Variants in PDZRN4 observed in about 807,000 individuals in gnomAD.
PDZRN4 encodes PDZ domain-containing RING finger protein 4.
In PDZRN4, 70 loss-of-function variants were observed where a neutral mutation model predicts 99.0. The ratio of observed to expected loss-of-function variants is 0.71; its 90% confidence interval spans 0.58 to 0.86. PDZRN4 has a LOEUF of 0.86. Ranked by LOEUF, PDZRN4 falls within the 40% of genes least tolerant of loss-of-function variation. The pLI, the probability that PDZRN4 is intolerant of heterozygous loss-of-function variation, is 0.00. For synonymous variants in PDZRN4, 551 were observed against 501.6 expected (o/e 1.10, Z -1.32); for missense variants, 1,474 against 1,331.2 (o/e 1.11, Z -1.67).
chr12:41,308,243 G>A (rs7965625), intron 3 of PDZRN4, among the ~76,000 whole-genome samples: 63,423 of 151,826 alleles, frequency 0.42, 14,186 homozygotes, highest in African/African-American at 0.58. Context: ...TTGAGAAATG[G>A]AAAAGGTAAA....
intron 3 of PDZRN4, among the ~76,000 whole-genome samples, chr12:41,247,850 A>C (rs1951143030): frequency 6.6e-6 from 1 of 152,212 alleles, no homozygotes; most frequent in African/African-American, 2.4e-5. Context: ...ATCTATGCTC[A>C]AACTAAGATT....
intron 3 of PDZRN4, among the ~76,000 whole-genome samples, chr12:41,482,015 A>G (rs949211252): frequency 6.6e-6 from 1 of 152,146 alleles, no homozygotes; most frequent in Admixed American, 6.6e-5. Flanking sequence ...TACCCCACGA[A>G]AAATGGATTA....
intron 5 of PDZRN4, among the ~76,000 whole-genome samples, chr12:41,517,670 G>C (rs1479267830): frequency 6.6e-6 from 1 of 152,122 alleles, no homozygotes; most frequent in Non-Finnish European, 1.5e-5. Flanking sequence ...TGGCTGTGGA[G>C]TGATTGGTCT....
At chr12:41,358,674 A>G (rs1298095655) in intron 3 of PDZRN4, among the ~76,000 whole-genome samples, 2 of 151,974 alleles carry the variant, frequency 1.3e-5, no homozygotes, top group East Asian at 1.9e-4. Context: ...CATATGTGAA[A>G]CTTGAATATA....
At chr12:41,223,762 T>C (rs1390096453) in intron 3 of PDZRN4, among the ~76,000 whole-genome samples, 1 of 152,122 alleles carries the variant, frequency 6.6e-6, no homozygotes, top group South Asian at 2.1e-4. Context: ...CCATTTTCTC[T>C]GTGGAATGGC....
intron 3 of PDZRN4, among the ~76,000 whole-genome samples, chr12:41,238,500 C>G (rs766345561): frequency 6.6e-5 from 10 of 152,050 alleles, no homozygotes; most frequent in Non-Finnish European, 1.2e-4. Flanking sequence ...TATCCAGAGT[C>G]TACAAGGAAC....
intron 3 of PDZRN4, among the ~76,000 whole-genome samples, chr12:41,341,686 G>A (rs4768346): frequency 0.39 from 58,468 of 151,492 alleles, 11,367 homozygotes; most frequent in South Asian, 0.42. Flanking sequence ...AACATTGATA[G>A]AAGAAATTGA....
chr12:41,358,870 A>C (rs1385745589), intron 3 of PDZRN4, among the ~76,000 whole-genome samples: 1 of 152,006 alleles, frequency 6.6e-6, no homozygotes, highest in African/African-American at 2.4e-5. Flanking sequence ...AGCAAAAGCC[A>C]CTCAGTAGAG....
At chr12:41,244,829 C>A (rs970934102) in intron 3 of PDZRN4, among the ~76,000 whole-genome samples, 2 of 146,314 alleles carry the variant, frequency 1.4e-5, no homozygotes, top group Non-Finnish European at 1.5e-5. Flanking sequence ...GGACTACAGG[C>A]GCCCGCCACC....
chr12:41,464,939 C>G, intron 3 of PDZRN4, among the ~76,000 whole-genome samples: 1 of 151,688 alleles, frequency 6.6e-6, no homozygotes, highest in East Asian at 1.9e-4. Flanking sequence ...ATTCTCCTGC[C>G]TCAGCCTTCC....
chr12:41,357,128 C>A (rs1201854038), intron 3 of PDZRN4, among the ~76,000 whole-genome samples: 1 of 151,636 alleles, frequency 6.6e-6, no homozygotes, highest in Non-Finnish European at 1.5e-5. Flanking sequence ...TTTACATTAA[C>A]TTCCCCTCTC....
intron 1 of PDZRN4, 94 bp downstream of exon 1, chr12:41,189,197 G>A: frequency 1.7e-6 from 2 of 1,208,604 alleles, no homozygotes; most frequent in South Asian, 1.3e-5. Flanking sequence ...TTGGAATTGG[G>A]CATCCTTCCT....
rs144855676 is a variant in PDZRN4 at position 41,261,521 on chromosome 12, G to A, written c.843+67333G>A. ...TTCTTATTTTTTGAGATGGAGTCTC[G>A]CTCTATCGCCCAGGCTGGAGTGCCG... On this transcript the variant is annotated intron_variant, in intron 3 of 9. Transcript: ENST00000402685. Among the ~76,000 whole-genome samples, 857 of 152,232 alleles carry A rather than the reference G, an allele frequency of 5.6e-3. 7 individuals are homozygous for A. The highest frequency in any genetic ancestry group is 8.6e-3 in the Non-Finnish European group (586 of 68,016).
chr12:41,199,656 TAC>T (rs1469480783), intron 3 of PDZRN4, among the ~76,000 whole-genome samples: 4 of 152,154 alleles, frequency 2.6e-5, no homozygotes, highest in African/African-American at 9.7e-5. Context: ...TGTGCCTATA[TAC>T]ACCATAGAAT....
At chr12:41,295,981 A>T (rs1171899096) in intron 3 of PDZRN4, among the ~76,000 whole-genome samples, 2 of 152,146 alleles carry the variant, frequency 1.3e-5, no homozygotes, top group Admixed American at 1.3e-4. Flanking sequence ...CAAAAATTAA[A>T]TTTTTTGAGG....
chr12:41,551,539 G>T (rs1939056899), intron 5 of PDZRN4, among the ~76,000 whole-genome samples: 1 of 152,056 alleles, frequency 6.6e-6, no homozygotes, highest in Non-Finnish European at 1.5e-5. Flanking sequence ...AAAGATTTTT[G>T]AAATAAAATT....
Position 41,572,448 on chromosome 12 carries a change from C to T in PDZRN4, c.1669C>T (p.Arg557Cys), listed in dbSNP as rs752112201. Residue 557 changes from arginine to cysteine, a missense_variant, in exon 10 of 10, where the codon CGT (arginine) becomes TGT (cysteine). Arg to Cys is a radical substitution (Grantham distance 180, BLOSUM62 -3). Coordinates refer to ENST00000402685, the MANE Select transcript of PDZRN4 (RefSeq NM_001164595.2). ...NNHEKDSGVG[R>C]TDESLRNDES... ...CCATGAGAAGGACAGTGGAGTAGGA[C>T]GTACAGATGAAAGCTTGCGAAATGA... The T allele has an allele frequency of 1.6e-5, 26 of 1,613,852 alleles. No homozygotes were observed. Among genetic ancestry groups the T allele is most frequent in the Non-Finnish European group, 2.2e-5 (26 of 1,179,926 alleles).
chr12:41,365,236 G>A (rs1951990250), intron 3 of PDZRN4, among the ~76,000 whole-genome samples: 1 of 152,036 alleles, frequency 6.6e-6, no homozygotes, highest in African/African-American at 2.4e-5. Flanking sequence ...TGTGAATGAA[G>A]CCCATAGTGA....
chr12:41,436,348 C>T (rs112112170), intron 3 of PDZRN4, among the ~76,000 whole-genome samples: 2,042 of 152,280 alleles, frequency 0.013, 32 homozygotes, highest in African/African-American at 0.047. Context: ...TGAGGTGTTG[C>T]TAGTTGCAAA....
Sources: gnomAD v4.1 joint callset for allele counts (sites outside exome capture counted in the v4.1 genomes callset) on GRCh38, gnomAD v4.1.1 for gene constraint, MANE v1.5 for transcripts, NCBI Gene and HGNC (gene_info 2026-07-23, HGNC 2026-07-21) for gene names.